The following CSNK1G1 variants were observed in gnomAD, a reference collection of about 807,000 sequenced individuals.
The protein encoded by CSNK1G1 is casein kinase 1 gamma 1.
Under a neutral mutation model 59.6 loss-of-function variants are expected in CSNK1G1, and 22 were observed. That is an observed-to-expected ratio of 0.37 (90% CI 0.26 to 0.53). The LOEUF (loss-of-function observed/expected upper bound fraction) is 0.53, where lower values mean the gene tolerates loss of function less well. Among genes scored for constraint, CSNK1G1 ranks in the 20% least tolerant of loss-of-function variants. The pLI, the probability that CSNK1G1 is intolerant of heterozygous loss-of-function variation, is 0.89. For missense variants in CSNK1G1, 384 were observed against 519.5 expected (o/e 0.74, Z 2.54); for synonymous variants, 179 against 177.1 (o/e 1.01, Z -0.08).
At chr15:64,337,390 C>G (rs971075540) in intron 1 of CSNK1G1, among the ~76,000 whole-genome samples, 2 of 152,078 alleles carry the variant, frequency 1.3e-5, no homozygotes, top group Non-Finnish European at 2.9e-5. Context: ...GCTCTGCCAC[C>G]CAGGCTGAAA....
At chr15:64,351,378 A>C (rs1004129350) in intron 1 of CSNK1G1, among the ~76,000 whole-genome samples, 1 of 152,210 alleles carries the variant, frequency 6.6e-6, no homozygotes, top group African/African-American at 2.4e-5. Flanking sequence ...GTCATCCAAG[A>C]GATAGATATT....
chr15:64,185,930 A>C (rs1264538110), intron 10 of CSNK1G1, among the ~76,000 whole-genome samples: 1 of 152,048 alleles, frequency 6.6e-6, no homozygotes, highest in South Asian at 2.1e-4. Flanking sequence ...ACAAGGATAA[A>C]CCATAATGTT....
intron 2 of CSNK1G1, among the ~76,000 whole-genome samples, chr15:64,290,157 T>G (rs1894658029): frequency 6.6e-6 from 1 of 152,024 alleles, no homozygotes; most frequent in South Asian, 2.1e-4. Context: ...TATGGAAGTT[T>G]CCCAAAAAAC....
At chr15:64,261,246 C>T (rs1016211978) in intron 2 of CSNK1G1, among the ~76,000 whole-genome samples, 2 of 152,130 alleles carry the variant, frequency 1.3e-5, no homozygotes, top group Non-Finnish European at 1.5e-5. Context: ...TGTGACTCTG[C>T]GCAAAGATTT....
At chr15:64,303,696 G>T (rs188747093) in intron 1 of CSNK1G1, among the ~76,000 whole-genome samples, 9 of 150,786 alleles carry the variant, frequency 6.0e-5, no homozygotes, top group Middle Eastern at 3.4e-3. Context: ...GTTGCAGTGA[G>T]CCGAGATCAT....
intron 11 of CSNK1G1, among the ~76,000 whole-genome samples, chr15:64,178,135 A>G (rs2081762887): frequency 6.6e-6 from 1 of 152,186 alleles, no homozygotes; most frequent in Non-Finnish European, 1.5e-5. Context: ...ACCATGCCCC[A>G]AATGACTCCA....
intron 3 of CSNK1G1, among the ~76,000 whole-genome samples, chr15:64,254,499 G>GCA (rs1892266561): frequency 6.6e-6 from 1 of 151,760 alleles, no homozygotes. Context: ...TTACAGGTAT[G>GCA]CACCACCACA....
intron 1 of CSNK1G1, among the ~76,000 whole-genome samples, chr15:64,313,575 G>T (rs1353157468): frequency 4.6e-5 from 7 of 151,388 alleles, no homozygotes; most frequent in Non-Finnish European, 8.9e-5. Context: ...ACAGGGAGGG[G>T]AACATCACAC....
chr15:64,203,097 C>G lies in CSNK1G1; in HGVS notation c.1092G>C (p.Gln364His), dbSNP rs1398336428. ...CAACACATACCTGATTTCGAAGAGG[C>G]TGCTGTTGTGATGGCCGATCCCTAT... ...HTHRDRPSQQ[Q>H]PLRNQVVSST... Residue 364 changes from glutamine to histidine, a missense_variant, in exon 10 of 12, where the codon CAG (glutamine) becomes CAC (histidine). Physicochemically the swap from Gln to His is conservative, Grantham distance 24 (BLOSUM62 0). Around this residue, in one of 3 missense-constraint regions of CSNK1G1, gnomAD observed 325 missense variants for 440.9 expected, o/e 0.74. Coordinates refer to ENST00000303052, the MANE Select transcript of CSNK1G1 (RefSeq NM_022048.5). 2 of 1,613,504 alleles carry G rather than the reference C, an allele frequency of 1.2e-6. No individual in the cohort carries two copies. The highest frequency in any genetic ancestry group is 1.7e-6 in the Non-Finnish European group (2 of 1,179,556).
Position 64,258,183 on chromosome 15 carries a change from G to A in CSNK1G1, c.222+1018C>T, listed in dbSNP as rs79616583. On this transcript the variant is annotated intron_variant, in intron 3 of 11. Transcript: ENST00000303052. Reference sequence around the variant, plus strand: ...TGTAATCCCAGCACTTTGGGAGGCCGAGCTGGGCAACATGATGAAATCCCA... The same window carrying A: ...TGTAATCCCAGCACTTTGGGAGGCCAAGCTGGGCAACATGATGAAATCCCA... 1.1e-3 allele frequency among the ~76,000 whole-genome samples: 167 copies of A among 152,092 alleles called. 3 individuals are homozygous for A. The East Asian group carries it at 0.029, about 27-fold the overall frequency.
At chr15:64,256,596 G>A (rs965222095) in intron 3 of CSNK1G1, among the ~76,000 whole-genome samples, 1 of 152,050 alleles carries the variant, frequency 6.6e-6, no homozygotes, top group Non-Finnish European at 1.5e-5. Flanking sequence ...GACTACAGAA[G>A]GCAGCAATAT....
chr15:64,309,451 G>C (rs1026652563), intron 1 of CSNK1G1, among the ~76,000 whole-genome samples: 3 of 151,872 alleles, frequency 2.0e-5, no homozygotes, highest in African/African-American at 7.3e-5. Flanking sequence ...CCACCATTCT[G>C]AGTAGAAAGA....
intron 1 of CSNK1G1, among the ~76,000 whole-genome samples, chr15:64,353,775 G>A (rs1182599380): frequency 1.3e-5 from 2 of 151,992 alleles, no homozygotes; most frequent in Admixed American, 1.3e-4. Context: ...AGGCTGCAGT[G>A]AGTATAATTG....
At chr15:64,319,425 T>C (rs1421814041) in intron 1 of CSNK1G1, among the ~76,000 whole-genome samples, 2 of 152,222 alleles carry the variant, frequency 1.3e-5, no homozygotes, top group African/African-American at 4.8e-5. Flanking sequence ...TACCTTTTTT[T>C]TTTTTCCAAA....
Position 64,216,861 on chromosome 15 carries a change from C to G in CSNK1G1, c.293-148G>C. On this transcript the variant is annotated intron_variant, in intron 4 of 11. Coordinates refer to ENST00000303052, the MANE Select transcript of CSNK1G1 (RefSeq NM_022048.5). The surrounding 1 kb of genome is among the most constrained non-coding windows in gnomAD (Gnocchi z 4.6). ...TCATAGTCCCTACTGGAAACTCAAA[C>G]TGAGCACAACAGCTTCAATGGGAAC... 1.4e-6 allele frequency: 1 copy of G among 689,866 alleles called. No homozygotes were observed. 42.7% of individuals were successfully genotyped at this position (689,866 alleles called of 1,614,324 possible).
intron 10 of CSNK1G1, among the ~76,000 whole-genome samples, chr15:64,199,583 G>A (rs1015856300): frequency 2.0e-5 from 3 of 152,170 alleles, no homozygotes; most frequent in Non-Finnish European, 4.4e-5. Flanking sequence ...GGACGGGCGC[G>A]GTGGCTCATG....
At chr15:64,236,902 T>C (rs2082623414) in intron 4 of CSNK1G1, among the ~76,000 whole-genome samples, 1 of 152,200 alleles carries the variant, frequency 6.6e-6, no homozygotes, top group Non-Finnish European at 1.5e-5. Flanking sequence ...TGTCCATCAA[T>C]GGATGAATCA....
chr15:64,310,334 T>C (rs1264069385), intron 1 of CSNK1G1, among the ~76,000 whole-genome samples: 2 of 152,030 alleles, frequency 1.3e-5, no homozygotes, highest in African/African-American at 2.4e-5. Context: ...TCCACTTGAT[T>C]CACCTTTTCC....
chr15:64,286,942 T>C (rs79973430), intron 2 of CSNK1G1, among the ~76,000 whole-genome samples: 6,361 of 152,328 alleles, frequency 0.042, 154 homozygotes, highest in South Asian at 0.079. Context: ...TCATTAGTTA[T>C]CATTTTATAC....
Sources: allele counts gnomAD v4.1 joint callset (sites outside exome capture counted in the v4.1 genomes callset), GRCh38; gene constraint gnomAD v4.1.1; regional missense constraint gnomAD v4.1.1; non-coding constraint Gnocchi (gnomAD v3.1); transcripts MANE v1.5; gene names NCBI Gene and HGNC (gene_info 2026-07-23, HGNC 2026-07-21).